The following PTPRG variants were observed in gnomAD, a reference collection of about 807,000 sequenced individuals.
PTPRG encodes protein tyrosine phosphatase receptor type G.
Under a neutral mutation model 165.3 loss-of-function variants are expected in PTPRG, and 102 were observed. The observed-to-expected ratio is 0.62, with a 90% CI of 0.53 to 0.73. The LOEUF (loss-of-function observed/expected upper bound fraction) is 0.73. Ranked by LOEUF, PTPRG falls within the 30% of genes least tolerant of loss-of-function variation. The pLI, the probability that PTPRG is intolerant of heterozygous loss-of-function variation, is 0.00. For synonymous variants in PTPRG, 675 were observed against 669.5 expected (o/e 1.01, Z -0.13); for missense variants, 1,866 against 1,861.4 (o/e 1.00, Z -0.05).
chr3:62,031,117 T>TA (rs1348148836), intron 4 of PTPRG, among the ~76,000 whole-genome samples: 1 of 151,734 alleles, frequency 6.6e-6, no homozygotes, highest in Admixed American at 6.6e-5. Context: ...GATGAACAAA[T>TA]ACGTAATCAA....
At chr3:61,711,212 A>C (rs2031536138) in intron 1 of PTPRG, among the ~76,000 whole-genome samples, 2 of 152,156 alleles carry the variant, frequency 1.3e-5, no homozygotes, top group South Asian at 4.1e-4. Flanking sequence ...TGCTATGGTG[A>C]ATAGTGCCGC....
chr3:62,120,501 A>G (rs985052016), intron 5 of PTPRG, among the ~76,000 whole-genome samples: 4 of 151,924 alleles, frequency 2.6e-5, no homozygotes, highest in African/African-American at 9.7e-5. Context: ...CTGTAATCCC[A>G]GTGCTTTGGG....
chr3:62,093,202 A>C (rs1019142186), intron 5 of PTPRG, among the ~76,000 whole-genome samples: 1 of 152,138 alleles, frequency 6.6e-6, no homozygotes, highest in South Asian at 2.1e-4. Flanking sequence ...GAGGTCCCTT[A>C]ATTGCCCTCC....
intron 2 of PTPRG, among the ~76,000 whole-genome samples, chr3:61,809,812 G>A (rs181111816): frequency 6.6e-6 from 1 of 152,322 alleles, no homozygotes; most frequent in African/African-American, 2.4e-5. Context: ...CTTGACAGTT[G>A]AGAGCCACGG....
intron 4 of PTPRG, among the ~76,000 whole-genome samples, chr3:62,041,288 C>T (rs527840058): frequency 3.5e-4 from 54 of 152,282 alleles, no homozygotes; most frequent in African/African-American, 1.2e-3. Flanking sequence ...GAAGCCTTTT[C>T]GGATGCCAAA....
chr3:61,665,467 A>AACACACACACACAC (rs1457942447), intron 1 of PTPRG, among the ~76,000 whole-genome samples: 6 of 79,644 alleles, frequency 7.5e-5, no homozygotes, highest in African/African-American at 3.7e-4. Context: ...ATTGTAAATA[A>AACACACACACACAC]ATACACACAC....
chr3:61,613,578 T>C (rs1437056591), intron 1 of PTPRG, among the ~76,000 whole-genome samples: 2 of 152,194 alleles, frequency 1.3e-5, no homozygotes, highest in Admixed American at 6.5e-5. Flanking sequence ...TTTGATGAGA[T>C]TCAGGGAAAA....
At chr3:61,925,674 C>T (rs371753584) in intron 2 of PTPRG, among the ~76,000 whole-genome samples, 23 of 151,748 alleles carry the variant, frequency 1.5e-4, no homozygotes, top group African/African-American at 5.3e-4. Flanking sequence ...ACCTGGGAGG[C>T]GGAGGTTGCA....
intron 27 of PTPRG, among the ~76,000 whole-genome samples, chr3:62,282,057 C>T (rs913824971): frequency 2.6e-5 from 4 of 152,022 alleles, no homozygotes; most frequent in Admixed American, 2.6e-4. Context: ...AAATATTTTG[C>T]TGCCTTCTTG....
At chr3:62,285,525 G>T (rs1204771094) in intron 28 of PTPRG, among the ~76,000 whole-genome samples, 1 of 44,564 alleles carries the variant, frequency 2.2e-5, no homozygotes, top group East Asian at 8.1e-4. Context: ...GGTGGTTGTT[G>T]GGGGGGGGGG....
intron 2 of PTPRG, among the ~76,000 whole-genome samples, chr3:61,786,693 T>A (rs1467823594): frequency 6.6e-6 from 1 of 152,224 alleles, no homozygotes; most frequent in African/African-American, 2.4e-5. Flanking sequence ...TTTATACTTA[T>A]GTCTCATGAT....
intron 6 of PTPRG, among the ~76,000 whole-genome samples, chr3:62,150,006 CCCATGTAG>C (rs1205725179): frequency 2.0e-5 from 3 of 152,208 alleles, no homozygotes; most frequent in African/African-American, 2.4e-5. Context: ...TGTTCTTCTC[CCCATGTAG>C]CCATGTAGCT....
At chr3:62,030,385 T>A (rs1269617218) in intron 4 of PTPRG, among the ~76,000 whole-genome samples, 2 of 152,172 alleles carry the variant, frequency 1.3e-5, no homozygotes, top group Non-Finnish European at 1.5e-5. Context: ...AAGGAACTTT[T>A]AGAGGTAGGG....
At chr3:62,020,871 T>G (rs1358734969) in intron 4 of PTPRG, among the ~76,000 whole-genome samples, 1 of 151,630 alleles carries the variant, frequency 6.6e-6, no homozygotes, top group Non-Finnish European at 1.5e-5. Context: ...TACAGGGTCT[T>G]GCTATATTGC....
chr3:61,947,545 T>C (rs1171194248), intron 2 of PTPRG, among the ~76,000 whole-genome samples: 1 of 152,170 alleles, frequency 6.6e-6, no homozygotes, highest in African/African-American at 2.4e-5. Flanking sequence ...TAGGATTTAT[T>C]CAGGCATGTA....
chr3:62,271,492 C>A lies in PTPRG; in HGVS notation c.3119C>A (p.Thr1040Asn). ...CCCGAGTATGCCCTTCCAGTACTGA[C>A]TTTCGTGAGGAGATCCTCAGCAGCT... Reference protein sequence around the residue: ...GVPEYALPVLTFVRRSSAARM... With the variant: ...GVPEYALPVLNFVRRSSAARM... Residue 1040 changes from threonine (T) to asparagine (N), a missense_variant, in exon 21 of 30, where the codon ACT becomes AAT. By Grantham distance (65) the Thr-to-Asn change is moderately conservative (BLOSUM62 0). Coordinates refer to ENST00000474889, the MANE Select transcript of PTPRG (RefSeq NM_002841.4). The surrounding 1 kb of genome is among the most constrained non-coding windows in gnomAD (Gnocchi z 4.1). The A allele has an allele frequency of 1.2e-6, 2 of 1,614,004 alleles. No homozygotes were observed. The highest frequency in any genetic ancestry group is 1.7e-6 in the Non-Finnish European group (2 of 1,179,888).
chr3:61,892,910 G>GT (rs1265445480), intron 2 of PTPRG, among the ~76,000 whole-genome samples: 1 of 152,060 alleles, frequency 6.6e-6, no homozygotes, highest in Admixed American at 6.5e-5. Flanking sequence ...ACTTTGTTCA[G>GT]TTTTTAATAA....
chr3:62,058,472 T>C (rs1340476659), intron 4 of PTPRG, among the ~76,000 whole-genome samples: 3 of 152,116 alleles, frequency 2.0e-5, no homozygotes, highest in Admixed American at 6.6e-5. Context: ...CAGCTGGATG[T>C]TCATTTTAAG....
intron 16 of PTPRG, among the ~76,000 whole-genome samples, chr3:62,259,845 A>G (rs368775410): frequency 6.6e-6 from 1 of 152,204 alleles, no homozygotes. Context: ...CAATAAAGCA[A>G]TAAGCAGGAA....
Sources: allele counts gnomAD v4.1 joint callset (sites outside exome capture counted in the v4.1 genomes callset), GRCh38; gene constraint gnomAD v4.1.1; non-coding constraint Gnocchi (gnomAD v3.1); transcripts MANE v1.5; gene names NCBI Gene and HGNC (gene_info 2026-07-23, HGNC 2026-07-21).